The following RNF13 variants were observed in gnomAD, a reference collection of about 807,000 sequenced individuals.
RNF13 encodes ring finger protein 13, also known as E3 ubiquitin-protein ligase RNF13.
A neutral mutation model predicts 37.7 loss-of-function variants in RNF13; 19 were observed. The ratio of observed to expected loss-of-function variants is 0.50; its 90% CI spans 0.35 to 0.74. The LOEUF is 0.74. Among genes scored for constraint, RNF13 ranks in the 30% least tolerant of loss-of-function variants. The pLI, the probability that RNF13 is intolerant of heterozygous loss-of-function variation, is 0.01. For missense variants in RNF13, 375 were observed against 453.0 expected, an observed-to-expected ratio of 0.83 and a Z score of 1.56; for synonymous variants, 144 against 157.8, an observed-to-expected ratio of 0.91 and a Z score of 0.65.
At chr3:149,848,391 G>A (rs529173429) in intron 2 of RNF13, among the ~76,000 whole-genome samples, 180 of 152,296 alleles carry the variant, frequency 1.2e-3, no homozygotes, top group African/African-American at 4.2e-3. Context: ...AAAGATGGCT[G>A]GAGGGGAGTG....
chr3:149,900,410 A>G (rs1292810785), intron 5 of RNF13, among the ~76,000 whole-genome samples: 2 of 151,980 alleles, frequency 1.3e-5, no homozygotes, highest in African/African-American at 2.4e-5. Context: ...TCCTATAACA[A>G]TACCTCTGCA....
At chr3:149,864,615 C>T (rs527545480) in intron 3 of RNF13, among the ~76,000 whole-genome samples, 77 of 152,266 alleles carry the variant, frequency 5.1e-4, no homozygotes, top group Non-Finnish European at 9.4e-4. Flanking sequence ...AAATGAGAGG[C>T]ACACACCAGA....
intron 8 of RNF13, among the ~76,000 whole-genome samples, chr3:149,958,166 C>G (rs1722041406): frequency 6.6e-6 from 1 of 152,104 alleles, no homozygotes; most frequent in Non-Finnish European, 1.5e-5. Context: ...TATTTGATAA[C>G]AAATCAACAA....
intron 3 of RNF13, among the ~76,000 whole-genome samples, chr3:149,868,177 T>G (rs1711565271): frequency 1.3e-5 from 2 of 151,858 alleles, no homozygotes; most frequent in Non-Finnish European, 2.9e-5. Context: ...TTTCTTTTTT[T>G]AAACAATTGT....
chr3:149,909,406 G>T (rs1716752142), intron 6 of RNF13, among the ~76,000 whole-genome samples: 2 of 151,124 alleles, frequency 1.3e-5, no homozygotes, highest in South Asian at 4.2e-4. Context: ...CCCTGGGGAA[G>T]CTGGGACTAC....
intron 8 of RNF13, among the ~76,000 whole-genome samples, chr3:149,947,947 GTGCTT>G (rs1720935496): frequency 6.6e-6 from 1 of 151,788 alleles, no homozygotes; most frequent in Non-Finnish European, 1.5e-5. Flanking sequence ...TAGCCTATGT[GTGCTT>G]TTTGTTTGTT....
chr3:149,879,842 T>C (rs1459028747), intron 4 of RNF13, among the ~76,000 whole-genome samples: 1 of 152,234 alleles, frequency 6.6e-6, no homozygotes, highest in Non-Finnish European at 1.5e-5. Flanking sequence ...GAACAAATTC[T>C]AGCAATACTG....
intron 3 of RNF13, among the ~76,000 whole-genome samples, chr3:149,871,457 T>G (rs1007327018): frequency 6.7e-6 from 1 of 150,184 alleles, no homozygotes; most frequent in Non-Finnish European, 1.5e-5. Flanking sequence ...TGTATACAGG[T>G]CTTCCTTATT....
At chr3:149,941,003 TATG>T (rs1319018685) in intron 8 of RNF13, among the ~76,000 whole-genome samples, 2 of 152,234 alleles carry the variant, frequency 1.3e-5, no homozygotes, top group African/African-American at 2.4e-5. Context: ...ACGGTTCACC[TATG>T]TTGTGGCATG....
intron 3 of RNF13, among the ~76,000 whole-genome samples, chr3:149,868,643 C>T (rs1009338681): frequency 1.3e-5 from 2 of 149,426 alleles, no homozygotes; most frequent in African/African-American, 2.5e-5. Flanking sequence ...TCCTTTCTTT[C>T]TCTCTCTCTC....
At position 149,845,884 on chromosome 3, in the gene RNF13, A is replaced by T. The variant is rs565960608; in HGVS notation, c.-16-127A>T. The stretch of plus-strand genomic sequence containing the variant: ...CTTATGCTTTTGAAATAAAAGCTTT[A>T]CTTTTAATGTTAATACATGTTTATA... On this transcript the variant is annotated intron_variant, in intron 1 of 9. Transcript: ENST00000392894. 122 of 557,906 alleles carry T rather than the reference A, an allele frequency of 2.2e-4. 1 individual carries two copies. The highest frequency in any genetic ancestry group is 2.0e-3 in the African/African-American group (105 of 53,198). 34.6% of individuals were successfully genotyped at this position (557,906 alleles called of 1,614,324 possible).
At chr3:149,897,723 A>G (rs902404248) in intron 5 of RNF13, among the ~76,000 whole-genome samples, 1 of 152,182 alleles carries the variant, frequency 6.6e-6, no homozygotes, top group Non-Finnish European at 1.5e-5. Context: ...TACTTGGTAG[A>G]GGTAAGAAAA....
chr3:149,912,097 C>A lies in RNF13; in HGVS notation c.606+14C>A. On this transcript the variant is annotated intron_variant, in intron 7 of 9. Coordinates refer to ENST00000392894, the MANE Select transcript of RNF13 (RefSeq NM_183381.3). ...GTCATTTTCATGGTAGGTACATTAA[C>A]TTTTAATAATTTTTAAAAAATAGTA... The A allele has an allele frequency of 1.5e-6, 2 of 1,299,946 alleles. No homozygotes were observed. The highest frequency in any genetic ancestry group is 2.2e-6 in the Non-Finnish European group (2 of 910,004). The allele number at this position is 1,299,946 out of a possible 1,614,324, so 80.5% of individuals were successfully genotyped here. A position where few individuals can be genotyped will look rare whatever the true frequency, so the allele number is the denominator to read the frequency against.
chr3:149,897,583 T>C (rs1346116354), intron 5 of RNF13, among the ~76,000 whole-genome samples: 1 of 152,192 alleles, frequency 6.6e-6, no homozygotes, highest in Non-Finnish European at 1.5e-5. Flanking sequence ...TGCTCAGAAT[T>C]TTGGTTCTTG....
chr3:149,815,757 A>T (rs1719376111), intron 1 of RNF13, among the ~76,000 whole-genome samples: 1 of 152,244 alleles, frequency 6.6e-6, no homozygotes, highest in Non-Finnish European at 1.5e-5. Flanking sequence ...GTATTGTCAA[A>T]GTTTATATAG....
At chr3:149,882,239 T>A (rs2108463674) in intron 4 of RNF13, among the ~76,000 whole-genome samples, 1 of 103,658 alleles carries the variant, frequency 9.6e-6, no homozygotes, top group South Asian at 3.3e-4. Flanking sequence ...AAAATTTTTA[T>A]CCAAAATGAC....
intron 7 of RNF13, among the ~76,000 whole-genome samples, chr3:149,917,781 T>C (rs941711868): frequency 1.3e-5 from 2 of 152,196 alleles, no homozygotes; most frequent in Admixed American, 6.5e-5. Flanking sequence ...AAACATTCCA[T>C]GTGTGTGAAA....
At chr3:149,915,389 C>G (rs1576531719) in intron 7 of RNF13, among the ~76,000 whole-genome samples, 1 of 152,092 alleles carries the variant, frequency 6.6e-6, no homozygotes, top group East Asian at 1.9e-4. Flanking sequence ...CAAAACTAGA[C>G]AATCCCTTGA....
intron 3 of RNF13, among the ~76,000 whole-genome samples, chr3:149,869,997 C>G (rs1711827904): frequency 6.6e-6 from 1 of 151,744 alleles, no homozygotes; most frequent in African/African-American, 2.4e-5. Context: ...TGGGACAAAC[C>G]TACTGTATGG....
Sources: allele counts gnomAD v4.1 joint callset (sites outside exome capture counted in the v4.1 genomes callset), GRCh38; gene constraint gnomAD v4.1.1; transcripts MANE v1.5; gene names NCBI Gene and HGNC (gene_info 2026-07-23, HGNC 2026-07-21).